The following PSD3 variants were observed in gnomAD, a reference collection of about 807,000 sequenced individuals.
PSD3 encodes pleckstrin and Sec7 domain containing 3, also known as PH and SEC7 domain-containing protein 3.
In PSD3, 49 loss-of-function variants were observed where a neutral mutation model predicts 105.5. The observed-to-expected ratio is 0.46, with a 90% CI of 0.37 to 0.59. The LOEUF (loss-of-function observed/expected upper bound fraction) is 0.59. Among genes scored for constraint, PSD3 ranks in the 20% least tolerant of loss-of-function variants. PSD3 has a pLI of 0.00. For synonymous variants in PSD3, 557 were observed against 457.8 expected, an observed-to-expected ratio of 1.22 and a Z score of -2.77; for missense variants, 1,561 against 1,263.8, an observed-to-expected ratio of 1.24 and a Z score of -3.57.
chr8:18,789,774 G>A lies in PSD3; in HGVS notation c.2082+9521C>T, dbSNP rs141921810. The stretch of plus-strand genomic sequence containing the variant: ...ACAGGATTGGAAACAAGAGTCAGGG[G>A]TTTCAGCCACCATCATCCTCATTCC... On this transcript the variant is annotated intron_variant, in intron 8 of 15. Coordinates refer to ENST00000327040, the MANE Select transcript of PSD3 (RefSeq NM_015310.4). Among the ~76,000 whole-genome samples, 810 of 152,286 alleles carry A rather than the reference G, an allele frequency of 5.3e-3. 8 individuals are homozygous for A. Among genetic ancestry groups the A allele is most frequent in the African/African-American group, 0.019 (791 of 41,568 alleles).
intron 1 of PSD3, among the ~76,000 whole-genome samples, chr8:19,022,361 G>A (rs1228187337): frequency 6.6e-6 from 1 of 152,128 alleles, no homozygotes; most frequent in Non-Finnish European, 1.5e-5. Flanking sequence ...ATTTCTTCCT[G>A]CTGAGCCTTG....
intron 4 of PSD3, among the ~76,000 whole-genome samples, chr8:18,837,815 G>T (rs542925385): frequency 6.6e-6 from 1 of 152,062 alleles, no homozygotes; most frequent in Non-Finnish European, 1.5e-5. Context: ...AAAAATAAAA[G>T]CACTAGTCAT....
chr8:19,062,209 A>T (rs1828924306), intron 1 of PSD3, among the ~76,000 whole-genome samples: 1 of 152,220 alleles, frequency 6.6e-6, no homozygotes, highest in African/African-American at 2.4e-5. Context: ...AACTAAGGAC[A>T]TAGAATTAGA....
intron 1 of PSD3, among the ~76,000 whole-genome samples, chr8:19,009,527 T>C (rs1217512191): frequency 6.6e-6 from 1 of 151,288 alleles, no homozygotes; most frequent in Non-Finnish European, 1.5e-5. Flanking sequence ...AAGAACTCAA[T>C]AAACATTAGC....
chr8:18,675,337 A>G (rs925827758), intron 9 of PSD3, among the ~76,000 whole-genome samples: 9 of 152,184 alleles, frequency 5.9e-5, no homozygotes, highest in Admixed American at 2.6e-4. Flanking sequence ...TGACACCACT[A>G]AACTGCAGCT....
intron 1 of PSD3, among the ~76,000 whole-genome samples, chr8:19,018,942 G>A (rs929940882): frequency 2.6e-5 from 4 of 152,036 alleles, no homozygotes; most frequent in Non-Finnish European, 5.9e-5. Flanking sequence ...GACTACAGGC[G>A]CACACAGCCA....
chr8:18,837,477 C>G (rs956417087), intron 4 of PSD3, among the ~76,000 whole-genome samples: 2 of 152,140 alleles, frequency 1.3e-5, no homozygotes, highest in Non-Finnish European at 2.9e-5. Flanking sequence ...TCAGAGGGGG[C>G]TCTAAAAGAA....
At chr8:18,600,484 A>G in intron 11 of PSD3, 50 bp from the exon 12 acceptor site, 1 of 1,381,886 alleles carries the variant, frequency 7.2e-7, no homozygotes, top group Admixed American at 2.0e-5. Context: ...AGCATTTTAG[A>G]AAGAGAATCT....
At chr8:18,654,118 T>C (rs982394641) in intron 10 of PSD3, among the ~76,000 whole-genome samples, 1 of 152,200 alleles carries the variant, frequency 6.6e-6, no homozygotes, top group Admixed American at 6.5e-5. Flanking sequence ...TCATCATGAA[T>C]ATACATACAG....
intron 13 of PSD3, among the ~76,000 whole-genome samples, chr8:18,572,937 A>G (rs556207044): frequency 1.2e-4 from 18 of 152,328 alleles, no homozygotes; most frequent in African/African-American, 4.1e-4. Flanking sequence ...ATAAATATTG[A>G]TTAAACCCCT....
chr8:18,992,181 C>G (rs959239055), intron 1 of PSD3, among the ~76,000 whole-genome samples: 5 of 152,044 alleles, frequency 3.3e-5, no homozygotes, highest in Non-Finnish European at 7.4e-5. Flanking sequence ...TAATAAGGAT[C>G]AGACCTCAAA....
chr8:18,867,340 C>T (rs889951492), intron 4 of PSD3, among the ~76,000 whole-genome samples: 5 of 152,168 alleles, frequency 3.3e-5, no homozygotes, highest in Non-Finnish European at 5.9e-5. Flanking sequence ...ACTAAAGCTA[C>T]GATCTCTCAG....
At chr8:18,633,618 T>C (rs1807051448) in intron 10 of PSD3, among the ~76,000 whole-genome samples, 1 of 152,140 alleles carries the variant, frequency 6.6e-6, no homozygotes, top group African/African-American at 2.4e-5. Context: ...TGCATAGTAT[T>C]CCACGGTGTG....
intron 6 of PSD3, 151 bp from the exon 7 acceptor site, chr8:18,801,533 A>C (rs1810688220): frequency 1.8e-6 from 1 of 562,858 alleles, no homozygotes; most frequent in Non-Finnish European, 3.1e-6. Flanking sequence ...ATCATTTACT[A>C]GACAGCCATT....
At chr8:19,084,639 C>T (rs1829752089) in exon 1 of PSD3, 3 of 345,592 alleles carry the variant, frequency 8.7e-6, no homozygotes, top group Non-Finnish European at 1.7e-5. Context: ...ATCACCACCC[C>T]TGCTTACGTC....
intron 9 of PSD3, among the ~76,000 whole-genome samples, chr8:18,729,118 A>T (rs552553907): frequency 3.8e-4 from 58 of 152,300 alleles, no homozygotes; most frequent in Non-Finnish European, 6.3e-4. Context: ...CTAATAAGCA[A>T]TTTTTAACGC....
intron 9 of PSD3, among the ~76,000 whole-genome samples, chr8:18,750,420 T>G (rs1805378949): frequency 6.6e-6 from 1 of 152,076 alleles, no homozygotes; most frequent in Admixed American, 6.5e-5. Context: ...TGTTCGTTCC[T>G]CCCGGTGGGC....
chr8:18,699,892 C>T (rs148253730), intron 9 of PSD3, among the ~76,000 whole-genome samples: 1 of 151,624 alleles, frequency 6.6e-6, no homozygotes, highest in Admixed American at 6.6e-5. Flanking sequence ...AAAAATCAAG[C>T]TGCAGATTCC....
intron 4 of PSD3, chr8:18,808,908 G>T: frequency 1.3e-6 from 2 of 1,545,566 alleles, no homozygotes; most frequent in Non-Finnish European, 1.7e-6. Context: ...CTCCCTGTGA[G>T]GTCACACTAC....
Sources: allele counts gnomAD v4.1 joint callset (sites outside exome capture counted in the v4.1 genomes callset), GRCh38; gene constraint gnomAD v4.1.1; transcripts MANE v1.5; gene names NCBI Gene and HGNC (gene_info 2026-07-23, HGNC 2026-07-21).